The following PCDHGB1 variants were observed in gnomAD, a reference collection of about 807,000 sequenced individuals.
The protein encoded by PCDHGB1 is protocadherin gamma subfamily B, 1.
PCDHGB1 carries 34 observed loss-of-function variants against 56.6 expected under a neutral mutation model. The ratio of observed to expected loss-of-function variants is 0.60; its 90% CI spans 0.46 to 0.80. The LOEUF is 0.80. Ranked by LOEUF, PCDHGB1 falls within the 30% of genes least tolerant of loss-of-function variation. The pLI, the probability that PCDHGB1 is intolerant of heterozygous loss-of-function variation, is 0.00. For synonymous variants in PCDHGB1, 561 were observed against 505.9 expected (o/e 1.11, Z -1.46); for missense variants, 1,278 against 1,204.6 (o/e 1.06, Z -0.90).
chr5:141,456,550 C>T (rs1017343381), intron 1 of PCDHGB1, among the ~76,000 whole-genome samples: 2 of 152,166 alleles, frequency 1.3e-5, no homozygotes, highest in African/African-American at 4.8e-5. Context: ...TGTAGCCACT[C>T]GGGGCTGAAG....
chr5:141,385,549 C>T, intron 1 of PCDHGB1: 3 of 1,316,166 alleles, frequency 2.3e-6, no homozygotes, highest in East Asian at 2.9e-5. Context: ...TGGACTATCA[C>T]ATTTTATAAT....
chr5:141,422,276 T>G, intron 1 of PCDHGB1: 3 of 1,558,820 alleles, frequency 1.9e-6, no homozygotes, highest in South Asian at 1.3e-5. Context: ...GAAATAACTA[T>G]CACCTCTTCT....
chr5:141,431,146 T>G lies in PCDHGB1; in HGVS notation c.2410-63661T>G. On this transcript the variant is annotated intron_variant, in intron 1 of 3. Coordinates refer to ENST00000523390, the MANE Select transcript of PCDHGB1 (RefSeq NM_018922.3). The surrounding 1 kb of genome is among the most constrained non-coding windows in gnomAD (Gnocchi z 4.8). The stretch of plus-strand genomic sequence containing the variant: ...TAGAAGTAAGGGACATTAACGACAA[T>G]GCGCCTTACTTTCGTGAAAGTGAAT... 6.2e-7 allele frequency: 1 copy of G among 1,614,124 alleles called. No individual in the cohort carries two copies. Among genetic ancestry groups the G allele is most frequent in the African/African-American group, 1.3e-5 (1 of 75,022 alleles).
intron 1 of PCDHGB1, chr5:141,408,226 G>T (rs909432449): frequency 2.1e-5 from 33 of 1,562,288 alleles, no homozygotes; most frequent in Admixed American, 3.9e-5. Flanking sequence ...GCGCGCAGAG[G>T]CGCCGGGCCG....
At chr5:141,394,657 G>A (rs1179529074) in intron 1 of PCDHGB1, 2 of 1,613,220 alleles carry the variant, frequency 1.2e-6, no homozygotes, top group East Asian at 2.2e-5. Flanking sequence ...AGCGAGCCGG[G>A]ACTCTTCTCG....
At chr5:141,400,000 G>A (rs765622041) in intron 1 of PCDHGB1, 1 of 1,612,388 alleles carries the variant, frequency 6.2e-7, no homozygotes, top group Non-Finnish European at 8.5e-7. Context: ...GGTGCGCACA[G>A]CGCGTGCCTT....
chr5:141,457,118 A>G (rs1427146922), intron 1 of PCDHGB1, among the ~76,000 whole-genome samples: 3 of 152,228 alleles, frequency 2.0e-5, no homozygotes, highest in Non-Finnish European at 4.4e-5. Context: ...TACGACAGCA[A>G]TGGAAACTCT....
chr5:141,421,665 C>T, intron 1 of PCDHGB1: 1 of 1,613,854 alleles, frequency 6.2e-7, no homozygotes, highest in African/African-American at 1.3e-5. Context: ...TCAGTGAGCA[C>T]GCAATTCCTG....
chr5:141,480,599 C>A (rs1202373543), intron 1 of PCDHGB1, among the ~76,000 whole-genome samples: 1 of 141,438 alleles, frequency 7.1e-6, no homozygotes, highest in East Asian at 1.9e-4. Flanking sequence ...TCTGGTCAGC[C>A]TGGAAAGCAA....
At chr5:141,394,532 T>A (rs1259695027) in intron 1 of PCDHGB1, 3 of 1,614,070 alleles carry the variant, frequency 1.9e-6, no homozygotes, top group African/African-American at 2.7e-5. Flanking sequence ...ACGGTTCCAC[T>A]GGCGTGGAGC....
At chr5:141,423,460 G>A in intron 1 of PCDHGB1, 1 of 1,614,046 alleles carries the variant, frequency 6.2e-7, no homozygotes, top group Non-Finnish European at 8.5e-7. Context: ...TGTAGGCGTG[G>A]ACGGGGTACA....
At chr5:141,419,959 T>C (rs765017440) in intron 1 of PCDHGB1, 5 of 1,614,104 alleles carry the variant, frequency 3.1e-6, no homozygotes, top group Non-Finnish European at 3.4e-6. Flanking sequence ...CCTTGATTTC[T>C]GTGCTCTTTC....
At chr5:141,355,314 G>A in intron 1 of PCDHGB1, 1 of 1,613,954 alleles carries the variant, frequency 6.2e-7, no homozygotes, top group Non-Finnish European at 8.5e-7. Flanking sequence ...TGTTTGAGGA[G>A]CAGGAAGAAG....
intron 1 of PCDHGB1, chr5:141,433,338 T>G (rs2097583623): frequency 3.1e-6 from 2 of 651,932 alleles, no homozygotes; most frequent in South Asian, 4.0e-5. Context: ...GGACTACAGG[T>G]GCAAGCCACC....
At chr5:141,396,781 G>T (rs1270995904) in intron 1 of PCDHGB1, 1 of 152,204 alleles carries the variant, frequency 6.6e-6, no homozygotes, top group East Asian at 1.9e-4. Context: ...TTAATGAAAA[G>T]GACATTTCCT....
chr5:141,450,179 A>G (rs1472867634), intron 1 of PCDHGB1, among the ~76,000 whole-genome samples: 1 of 151,100 alleles, frequency 6.6e-6, no homozygotes, highest in African/African-American at 2.4e-5. Flanking sequence ...CACCACACCC[A>G]GCTAATTTTT....
chr5:141,373,227 T>A (rs545943961), intron 1 of PCDHGB1, among the ~76,000 whole-genome samples: 1 of 152,232 alleles, frequency 6.6e-6, no homozygotes. Flanking sequence ...AACCTGTATA[T>A]AATATTTTTA....
intron 1 of PCDHGB1, among the ~76,000 whole-genome samples, chr5:141,456,935 C>T (rs894385178): frequency 5.9e-5 from 9 of 152,178 alleles, no homozygotes; most frequent in African/African-American, 2.2e-4. Context: ...TGCACTCCAG[C>T]CTGGGCAACA....
rs201378410 is a variant in PCDHGB1, at chr5:141,414,802, G to T, written c.2409+62133G>T. Reference sequence around the variant, plus strand: ...GCAGGTGACAGCCAGCGACAGCGGGGATCCTCCACTCAGCAGCAACGTGTC... The same window carrying T: ...GCAGGTGACAGCCAGCGACAGCGGGTATCCTCCACTCAGCAGCAACGTGTC... On this transcript the variant is annotated intron_variant, in intron 1 of 3. Coordinates refer to ENST00000523390, the MANE Select transcript of PCDHGB1 (RefSeq NM_018922.3). The T allele has an allele frequency of 4.3e-6, 7 of 1,614,226 alleles. No homozygotes were observed. The African/African-American group carries it at 8.0e-5, about 18-fold the overall frequency.
Sources: allele counts gnomAD v4.1 joint callset (sites outside exome capture counted in the v4.1 genomes callset), GRCh38; gene constraint gnomAD v4.1.1; non-coding constraint Gnocchi (gnomAD v3.1); transcripts MANE v1.5; gene names NCBI Gene and HGNC (gene_info 2026-07-23, HGNC 2026-07-21).